The following SCAF8 variants were observed in gnomAD, a reference collection of about 807,000 sequenced individuals.
SCAF8 encodes the protein SR-related CTD associated factor 8.
In SCAF8, 23 loss-of-function variants were observed where a neutral mutation model predicts 140.5. The observed-to-expected ratio is 0.16, with a 90% confidence interval of 0.12 to 0.23. SCAF8 has a LOEUF of 0.23. SCAF8 is among the 10% of genes least tolerant of loss of function. SCAF8 has a pLI of 1.00. For missense variants in SCAF8, 1,397 were observed against 1,555.7 expected, an observed-to-expected ratio of 0.90 and a Z score of 1.72; for synonymous variants, 575 against 528.9, an observed-to-expected ratio of 1.09 and a Z score of -1.20.
At chr6:154,735,765 T>A (rs1322499781) in intron 1 of SCAF8, among the ~76,000 whole-genome samples, 1 of 152,056 alleles carries the variant, frequency 6.6e-6, no homozygotes, top group Non-Finnish European at 1.5e-5. Flanking sequence ...CCACCCGCCT[T>A]GGCCTCCCAA....
intron 1 of SCAF8, among the ~76,000 whole-genome samples, chr6:154,735,091 A>G (rs929344576): frequency 5.3e-5 from 8 of 151,586 alleles, no homozygotes; most frequent in African/African-American, 1.5e-4. Context: ...CGCCACTGCA[A>G]TCCAGCCCAG....
chr6:154,824,143 C>A, intron 16 of SCAF8, 91 bp from the exon 17 acceptor site: 1 of 1,320,552 alleles, frequency 7.6e-7, no homozygotes, highest in Non-Finnish European at 1.1e-6. Context: ...TTGTTACCAT[C>A]CTGAAAGAGA....
At chr6:154,771,503 GT>G (rs1292249894) in intron 1 of SCAF8, among the ~76,000 whole-genome samples, 4 of 152,138 alleles carry the variant, frequency 2.6e-5, no homozygotes, top group Non-Finnish European at 4.4e-5. Flanking sequence ...AAATATACAG[GT>G]TTTTTTGTAT....
chr6:154,816,254 A>T (rs994063200), intron 13 of SCAF8, among the ~76,000 whole-genome samples: 7 of 151,972 alleles, frequency 4.6e-5, no homozygotes, highest in East Asian at 1.9e-4. Flanking sequence ...TTTTCTTCTC[A>T]CTCTCTCACC....
At chr6:154,828,305 A>T (rs1214965659) in intron 18 of SCAF8, among the ~76,000 whole-genome samples, 1 of 152,188 alleles carries the variant, frequency 6.6e-6, no homozygotes, top group Admixed American at 6.5e-5. Context: ...TGTGGTTGGT[A>T]CAGCAAAGTC....
chr6:154,735,287 C>T (rs534479902), intron 1 of SCAF8, among the ~76,000 whole-genome samples: 80 of 151,994 alleles, frequency 5.3e-4, no homozygotes, highest in Non-Finnish European at 7.4e-4. Flanking sequence ...GCTGTGACGG[C>T]CCAAATAGGA....
intron 1 of SCAF8, among the ~76,000 whole-genome samples, chr6:154,768,800 C>T (rs1002171844): frequency 6.6e-6 from 1 of 152,154 alleles, no homozygotes; most frequent in Non-Finnish European, 1.5e-5. Flanking sequence ...CAGTGGCTCA[C>T]GCCTGTAATC....
chr6:154,831,714 A>T (rs1470161884), intron 19 of SCAF8, among the ~76,000 whole-genome samples: 2 of 34,810 alleles, frequency 5.7e-5, no homozygotes, highest in Non-Finnish European at 1.4e-4. Flanking sequence ...AAAAAAAAAA[A>T]AAAAAAAAAA....
At chr6:154,776,836 A>G (rs915207853) in intron 2 of SCAF8, among the ~76,000 whole-genome samples, 4 of 152,150 alleles carry the variant, frequency 2.6e-5, no homozygotes, top group Admixed American at 6.5e-5. Flanking sequence ...GAATGTTCCT[A>G]TTTCTTCAGT....
rs530795234 is a variant in SCAF8, at chr6:154,788,118, G to A, written c.321+96G>A. On this transcript the variant is annotated intron_variant, in intron 4 of 19. Transcript: ENST00000367178. ...TCAGATTATCTTAGTACAGTCATGTGCCACATAATGATGTTTCAATGACAG... is the reference window on the plus strand; with the variant it reads ...TCAGATTATCTTAGTACAGTCATGTACCACATAATGATGTTTCAATGACAG... The A allele has an allele frequency of 7.8e-6, 8 of 1,026,182 alleles. No individual in the cohort carries two copies. In the Admixed American group the frequency reaches 1.7e-4, roughly 21 times the overall value. The allele number at this position is 1,026,182 out of a possible 1,614,324, so 63.6% of individuals were successfully genotyped here.
intron 1 of SCAF8, among the ~76,000 whole-genome samples, chr6:154,752,927 G>T (rs1778874577): frequency 6.6e-6 from 1 of 151,950 alleles, no homozygotes; most frequent in South Asian, 2.1e-4. Flanking sequence ...TCATTTAAAA[G>T]AATTTCATTG....
chr6:154,756,540 C>A (rs372723464), intron 1 of SCAF8, among the ~76,000 whole-genome samples: 27 of 152,126 alleles, frequency 1.8e-4, no homozygotes, highest in African/African-American at 6.3e-4. Flanking sequence ...AACTGTTAAT[C>A]AGTTGAATTT....
At chr6:154,762,294 G>A (rs969615240) in intron 1 of SCAF8, among the ~76,000 whole-genome samples, 2 of 152,176 alleles carry the variant, frequency 1.3e-5, no homozygotes, top group African/African-American at 2.4e-5. Context: ...CCAGGGCTGG[G>A]CTCCCATTTG....
chr6:154,833,428 A>G lies in SCAF8; in HGVS notation c.*33A>G. On this transcript the variant is annotated 3_prime_UTR_variant, in exon 20 of 20. Transcript: ENST00000367178. ...TCAGTAGGTAAAAGATACCTTTTGTAAAGTTGTCATCTCTCTGTAATAGAT... is the reference window on the plus strand; with the variant it reads ...TCAGTAGGTAAAAGATACCTTTTGTGAAGTTGTCATCTCTCTGTAATAGAT... 6.3e-7 allele frequency: 1 copy of G among 1,585,210 alleles called. No homozygotes were observed. The highest frequency in any genetic ancestry group is 8.6e-7 in the Non-Finnish European group (1 of 1,167,462).
chr6:154,828,541 A>G (rs758961557), intron 18 of SCAF8, among the ~76,000 whole-genome samples: 19 of 150,244 alleles, frequency 1.3e-4, no homozygotes, highest in Non-Finnish European at 2.7e-4. Context: ...TGAAGTGTAG[A>G]TTGTTTCATC....
rs1221315779 is a variant in SCAF8 at position 154,833,593 on chromosome 6, CT to C, written c.*207del. 112 of 441,072 alleles carry C rather than the reference CT, an allele frequency of 2.5e-4. No homozygotes were observed. The highest frequency in any genetic ancestry group is 5.9e-4 in the Middle Eastern group (1 of 1,692). The allele number at this position is 441,072 out of a possible 1,614,324, so 27.3% of individuals were successfully genotyped here. A position where few individuals can be genotyped will look rare whatever the true frequency, so the allele number is the denominator to read the frequency against. On this transcript the variant is annotated 3_prime_UTR_variant, in exon 20 of 20. Coordinates refer to ENST00000367178, the MANE Select transcript of SCAF8 (RefSeq NM_014892.5). ...TCTTAATATGAACATGGTAGGTAAA[CT>C]TTTTTTTTATTTTTTTCTGATAAAA...
At chr6:154,808,493 T>C (rs1357853081) in intron 10 of SCAF8, among the ~76,000 whole-genome samples, 193 bp from the exon 11 acceptor site, 1 of 152,030 alleles carries the variant, frequency 6.6e-6, no homozygotes, top group African/African-American at 2.4e-5. Context: ...CAGCTGTCAT[T>C]AGTGTTAGTA....
chr6:154,739,488 G>T (rs1045170755), intron 1 of SCAF8, among the ~76,000 whole-genome samples: 1 of 152,082 alleles, frequency 6.6e-6, no homozygotes, highest in Non-Finnish European at 1.5e-5. Context: ...TTCTCTTGCT[G>T]CTCTGAATAG....
intron 6 of SCAF8, among the ~76,000 whole-genome samples, chr6:154,797,469 C>A (rs559126507): frequency 6.6e-6 from 1 of 151,434 alleles, no homozygotes; most frequent in Non-Finnish European, 1.5e-5. Flanking sequence ...AATCTTGGCT[C>A]ACTGCAACCT....
Sources: allele counts gnomAD v4.1 joint callset (sites outside exome capture counted in the v4.1 genomes callset), GRCh38; gene constraint gnomAD v4.1.1; transcripts MANE v1.5; gene names NCBI Gene and HGNC (gene_info 2026-07-23, HGNC 2026-07-21).